The following WFDC6 variants were observed in gnomAD, a reference collection of about 807,000 sequenced individuals.
The protein encoded by WFDC6 is WAP four-disulfide core domain 6, also known as WAP four-disulfide core domain protein 6.
A neutral mutation model predicts 8.2 loss-of-function variants in WFDC6; 10 were observed. That is an observed-to-expected ratio of 1.22 (90% CI 0.75 to 2.07). The LOEUF (loss-of-function observed/expected upper bound fraction) is 2.07, where lower values mean the gene tolerates loss of function less well. Among genes scored for constraint, WFDC6 ranks in the 30% most tolerant of loss-of-function variants. WFDC6 has a pLI of 0.00. For synonymous variants in WFDC6, 28 were observed against 37.0 expected (o/e 0.76, Z 0.88); for missense variants, 105 against 104.9 (o/e 1.00, Z 0.00).
intron 2 of WFDC6, among the ~76,000 whole-genome samples, chr20:45,534,853 T>C (rs1311733829): frequency 6.6e-6 from 1 of 152,238 alleles, no homozygotes; most frequent in African/African-American, 2.4e-5. Flanking sequence ...AGGACTATAA[T>C]GATTGGCTGA....
chr20:45,534,197 C>G lies in WFDC6; in HGVS notation c.*270G>C, dbSNP rs554955252. 1.9e-6 allele frequency: 1 copy of G among 516,582 alleles called. No individual in the cohort carries two copies. The highest frequency in any genetic ancestry group is 3.1e-5 in the Admixed American group (1 of 31,864). 32.0% of individuals were successfully genotyped at this position (516,582 alleles called of 1,614,324 possible). A position where few individuals can be genotyped will look rare whatever the true frequency, so the allele number is the denominator to read the frequency against. On this transcript the variant is annotated 3_prime_UTR_variant, in exon 3 of 3. Transcript: ENST00000372670. ...GTGAATTATTCAGCCTCGGAGAGAT[C>G]GGACCCCACAGAGCACTTTATTAAG... is the stretch of plus-strand genomic sequence containing the variant.
intron 2 of WFDC6, chr20:45,537,221 A>G: frequency 2.6e-6 from 1 of 385,248 alleles, no homozygotes; most frequent in South Asian, 3.7e-5. Flanking sequence ...AGACCTGAAC[A>G]TCCTGCCTCC....
intron 2 of WFDC6, chr20:45,537,655 C>CT: frequency 7.8e-7 from 1 of 1,275,012 alleles, no homozygotes; most frequent in Non-Finnish European, 1.1e-6. Context: ...GACTACTTGG[C>CT]ATCTCGAGAA....
intron 2 of WFDC6, among the ~76,000 whole-genome samples, chr20:45,534,857 T>C (rs1979304956): frequency 6.6e-6 from 1 of 152,208 alleles, no homozygotes; most frequent in South Asian, 2.1e-4. Context: ...CTATAATGAT[T>C]GGCTGATGAA....
At chr20:45,537,866 A>C in intron 2 of WFDC6, 98 bp downstream of exon 2, 1 of 1,586,884 alleles carries the variant, frequency 6.3e-7, no homozygotes, top group Non-Finnish European at 8.6e-7. Context: ...ACTCTTGGTC[A>C]GAGACCAGCC....
chr20:45,537,520 A>G (rs1306370898), intron 2 of WFDC6: 1 of 1,548,922 alleles, frequency 6.5e-7, no homozygotes, highest in African/African-American at 1.4e-5. Context: ...TGGTCAGGGA[A>G]GGCATCCTGG....
chr20:45,539,479 T>A lies in WFDC6; in HGVS notation c.-72A>T. 1 of 1,426,234 alleles carries A rather than the reference T, an allele frequency of 7.0e-7. No homozygotes were observed. The highest frequency in any genetic ancestry group is 9.9e-7 in the Non-Finnish European group (1 of 1,011,778). 88.3% of individuals were successfully genotyped at this position (1,426,234 alleles called of 1,614,324 possible). ...TCCTCAGCAGCTCCTACATCTGCACTTTGCCTGCCCCGGTGTGGCCCAGCA... is the reference window on the plus strand; with the variant it reads ...TCCTCAGCAGCTCCTACATCTGCACATTGCCTGCCCCGGTGTGGCCCAGCA... On this transcript the variant is annotated 5_prime_UTR_variant, in exon 1 of 3. It adds an upstream start codon to the 5' untranslated region. Transcript: ENST00000372670.
At chr20:45,536,439 T>C (rs1979369142) in intron 2 of WFDC6, among the ~76,000 whole-genome samples, 1 of 152,218 alleles carries the variant, frequency 6.6e-6, no homozygotes, top group African/African-American at 2.4e-5. Flanking sequence ...CATTGATTAG[T>C]GTTCTTAGTA....
chr20:45,537,345 A>T (rs1313275436), intron 2 of WFDC6: 1 of 632,784 alleles, frequency 1.6e-6, no homozygotes, highest in Non-Finnish European at 2.8e-6. Context: ...TCCCAGAAAA[A>T]CTTTTCTGAC....
In WFDC6 at chr20:45,535,064, C is replaced by A. The variant is rs904578377; in HGVS notation, c.223-559G>T. On this transcript the variant is annotated intron_variant, in intron 2 of 2. Transcript: ENST00000372670. ...TCTGCATTGGAGCTGGTTTTGTCAT[C>A]CCCAGCGCCACCCAGGTCTTGGAAT... 6 of 1,199,420 alleles carry A rather than the reference C, an allele frequency of 5.0e-6. No homozygotes were observed. The African/African-American group carries it at 6.4e-5, about 13-fold the overall frequency. 74.3% of individuals were successfully genotyped at this position (1,199,420 alleles called of 1,614,324 possible).
intron 2 of WFDC6, among the ~76,000 whole-genome samples, chr20:45,535,644 G>C (rs1979338467): frequency 6.6e-6 from 1 of 152,138 alleles, no homozygotes; most frequent in Non-Finnish European, 1.5e-5. Flanking sequence ...GGCTGATTTT[G>C]CCTCCTAAAT....
chr20:45,536,163 T>C (rs945181515), intron 2 of WFDC6, among the ~76,000 whole-genome samples: 16 of 152,144 alleles, frequency 1.1e-4, no homozygotes, highest in Non-Finnish European at 1.8e-4. Context: ...GTGAGGTTTT[T>C]GAGAGGGGAT....
intron 2 of WFDC6, chr20:45,535,349 T>C (rs6032274): frequency 0.67 from 872,232 of 1,294,952 alleles, 294,682 homozygotes; most frequent in Admixed American, 0.74. Context: ...GATCGCAGAA[T>C]AGAGCTGTTT....
intron 2 of WFDC6, chr20:45,535,381 A>G: frequency 8.0e-7 from 1 of 1,253,206 alleles, no homozygotes; most frequent in South Asian, 1.4e-5. Flanking sequence ...TCCCTGGAGA[A>G]TGTCCATCTC....
chr20:45,534,485 A>G lies in WFDC6; in HGVS notation c.243T>C (p.His81=), dbSNP rs752795564. The change falls in exon 3 of 3, where the codon CAT becomes CAC. Residue 81 remains histidine, a synonymous_variant. Transcript: ENST00000372670. The part of the protein sequence containing the change: ...DFRKVSLTLY[H]KEELE Reference sequence around the variant, plus strand: ...CTGGAGGTTATTCAAGCTCCTCCTTATGGTATAAAGTAAGGCTGACCTGTG... The same window carrying G: ...CTGGAGGTTATTCAAGCTCCTCCTTGTGGTATAAAGTAAGGCTGACCTGTG... 1 of 1,613,982 alleles carries G rather than the reference A, an allele frequency of 6.2e-7. No individual in the cohort carries two copies. The highest frequency in any genetic ancestry group is 1.7e-5 in the Admixed American group (1 of 60,014).
At chr20:45,537,911 A>G (rs1255387091) in intron 2 of WFDC6, 53 bp downstream of exon 2, 1 of 1,612,526 alleles carries the variant, frequency 6.2e-7, no homozygotes, top group Admixed American at 1.7e-5. Flanking sequence ...AGTGCAGTGC[A>G]GGTGGAGATA....
At chr20:45,535,339 G>T (rs1419400784) in intron 2 of WFDC6, 5 of 1,299,870 alleles carry the variant, frequency 3.8e-6, no homozygotes, top group Non-Finnish European at 5.1e-6. Context: ...TCTGCAGGGA[G>T]ATCGCAGAAT....
In WFDC6 at chr20:45,534,441, C is replaced by G; in HGVS notation, c.*26G>C. On this transcript the variant is annotated 3_prime_UTR_variant, in exon 3 of 3. Transcript: ENST00000372670. ...CAATCAGGCACACGTGGAGAGAGGCCTGGATTATGAGCCAAATCCTGGAGG... is the reference window on the plus strand; with the variant it reads ...CAATCAGGCACACGTGGAGAGAGGCGTGGATTATGAGCCAAATCCTGGAGG... 1.2e-6 allele frequency: 2 copies of G among 1,613,910 alleles called. No individual in the cohort carries two copies. The highest frequency in any genetic ancestry group is 3.3e-5 in the Admixed American group (2 of 60,020).
intron 2 of WFDC6, chr20:45,537,240 A>T: frequency 4.7e-6 from 2 of 421,460 alleles, no homozygotes; most frequent in Non-Finnish European, 8.7e-6. Flanking sequence ...CCTGCCACAG[A>T]GCCTTTGCAC....
Sources: allele counts gnomAD v4.1 joint callset (sites outside exome capture counted in the v4.1 genomes callset), GRCh38; gene constraint gnomAD v4.1.1; transcripts MANE v1.5; gene names NCBI Gene and HGNC (gene_info 2026-07-23, HGNC 2026-07-21).